SLC8A1: variants seen among roughly 807,000 people sequenced by gnomAD.
SLC8A1 encodes sodium/calcium exchanger 1.
SLC8A1 carries 18 observed loss-of-function variants against 68.3 expected under a neutral mutation model. The ratio of observed to expected loss-of-function variants is 0.26; its 90% CI spans 0.18 to 0.39. The LOEUF (loss-of-function observed/expected upper bound fraction) is 0.39, where lower values mean the gene tolerates loss of function less well. SLC8A1 is among the 10% of genes least tolerant of loss of function. The probability of loss-of-function intolerance (pLI) is 1.00; values close to 1 mark genes in which losing one functional copy is unlikely to be tolerated. For missense variants in SLC8A1, 985 were observed against 1,156.7 expected (o/e 0.85, Z 2.15); for synonymous variants, 475 against 415.5 (o/e 1.14, Z -1.74).
At chr2:40,132,362 A>G (rs2039554456) in intron 7 of SLC8A1, among the ~76,000 whole-genome samples, 1 of 152,034 alleles carries the variant, frequency 6.6e-6, no homozygotes, top group South Asian at 2.1e-4. Context: ...GGATACTTGT[A>G]TTCACTCTCC....
At chr2:40,200,864 C>A (rs748874770) in intron 2 of SLC8A1, among the ~76,000 whole-genome samples, 10 of 151,744 alleles carry the variant, frequency 6.6e-5, no homozygotes, top group Non-Finnish European at 1.3e-4. Context: ...TAGAAAACAA[C>A]CCACTTAAAT....
chr2:40,173,919 A>G (rs2047997524), intron 4 of SLC8A1, among the ~76,000 whole-genome samples: 1 of 152,208 alleles, frequency 6.6e-6, no homozygotes, highest in African/African-American at 2.4e-5. Flanking sequence ...GAGACAACAG[A>G]GGATGCTGTA....
intron 2 of SLC8A1, among the ~76,000 whole-genome samples, chr2:40,373,791 A>G (rs1315310279): frequency 6.6e-6 from 1 of 152,014 alleles, no homozygotes; most frequent in Non-Finnish European, 1.5e-5. Context: ...AGAGTACTGA[A>G]TTTCATTGTA....
At chr2:40,199,429 G>C (rs952744938) in intron 2 of SLC8A1, among the ~76,000 whole-genome samples, 2 of 151,408 alleles carry the variant, frequency 1.3e-5, no homozygotes, top group Admixed American at 1.3e-4. Flanking sequence ...CCCCCATAAG[G>C]ACCATAAATA....
At chr2:40,194,469 ATGTGTGTGTGTGTGTGTG>A (rs543194094) in intron 2 of SLC8A1, among the ~76,000 whole-genome samples, 2 of 137,328 alleles carry the variant, frequency 1.5e-5, no homozygotes, top group Admixed American at 7.3e-5. Flanking sequence ...TCAGTAAGCA[ATGTGTGTGTGTGTGTGTG>A]TGTGTGTGTG....
At position 40,151,059 on chromosome 2, in the gene SLC8A1, A is replaced by C. The variant is rs75467949; in HGVS notation, c.2161+9706T>G. 4.5e-4 allele frequency among the ~76,000 whole-genome samples: 68 copies of C among 152,304 alleles called. 1 individual carries two copies. In the East Asian group the frequency reaches 0.012, roughly 27 times the overall value. On this transcript the variant is annotated intron_variant, in intron 6 of 7. Transcript: ENST00000406785. ...TCTTAGGATCATCATTATCAGCTAC[A>C]TAACAGTGAAATTTTACTAAGAATA... is the stretch of plus-strand genomic sequence containing the variant.
chr2:40,460,819 C>T (rs569286979), intron 1 of SLC8A1, among the ~76,000 whole-genome samples: 1 of 152,028 alleles, frequency 6.6e-6, no homozygotes, highest in African/African-American at 2.4e-5. Context: ...GTGATCTGCC[C>T]ACCTCAGCCT....
intron 2 of SLC8A1, among the ~76,000 whole-genome samples, chr2:40,218,429 T>C (rs1291509363): frequency 6.6e-6 from 1 of 152,220 alleles, no homozygotes; most frequent in Non-Finnish European, 1.5e-5. Context: ...AGGTTAAAAT[T>C]ACCATTACAT....
chr2:40,324,395 A>C (rs932200943), intron 2 of SLC8A1, among the ~76,000 whole-genome samples: 2 of 152,146 alleles, frequency 1.3e-5, no homozygotes, highest in African/African-American at 4.8e-5. Context: ...TTTCAGAGGC[A>C]CTTCCTAAAC....
At chr2:40,475,366 C>T (rs894296435) in intron 1 of SLC8A1, among the ~76,000 whole-genome samples, 8 of 151,938 alleles carry the variant, frequency 5.3e-5, no homozygotes, top group Middle Eastern at 3.2e-3. Flanking sequence ...ATCTCCTGAC[C>T]TCGTGATCCA....
intron 2 of SLC8A1, among the ~76,000 whole-genome samples, chr2:40,323,690 G>A (rs1453275634): frequency 6.6e-6 from 1 of 151,958 alleles, no homozygotes; most frequent in African/African-American, 2.4e-5. Flanking sequence ...AGTTCCTAAG[G>A]GGGGAAATAC....
chr2:40,348,904 C>G (rs1331891766), intron 2 of SLC8A1, among the ~76,000 whole-genome samples: 3 of 152,128 alleles, frequency 2.0e-5, no homozygotes, highest in Non-Finnish European at 4.4e-5. Context: ...ACACTTTGAC[C>G]TAATGAAGAG....
At chr2:40,122,018 C>CT (rs2036945332) in intron 7 of SLC8A1, among the ~76,000 whole-genome samples, 1 of 151,670 alleles carries the variant, frequency 6.6e-6, no homozygotes, top group East Asian at 1.9e-4. Context: ...TCTCTTTTTT[C>CT]TTTTTTGCCT....
At chr2:40,375,820 C>G (rs1448770756) in intron 2 of SLC8A1, among the ~76,000 whole-genome samples, 2 of 151,986 alleles carry the variant, frequency 1.3e-5, no homozygotes, top group African/African-American at 4.8e-5. Context: ...CCAGGCAACA[C>G]AGGGAAACCC....
chr2:40,358,692 G>A (rs892285725), intron 2 of SLC8A1, among the ~76,000 whole-genome samples: 1 of 152,132 alleles, frequency 6.6e-6, no homozygotes, highest in South Asian at 2.1e-4. Context: ...CTGTACAATG[G>A]CCTAGGTACA....
chr2:40,122,950 A>G (rs1390318403), intron 7 of SLC8A1, among the ~76,000 whole-genome samples: 4 of 152,154 alleles, frequency 2.6e-5, no homozygotes, highest in Admixed American at 2.0e-4. Context: ...AATTTATTCT[A>G]ATTAAAGGAG....
At chr2:40,470,092 C>G (rs1055559255) in intron 1 of SLC8A1, among the ~76,000 whole-genome samples, 25 of 151,184 alleles carry the variant, frequency 1.7e-4, no homozygotes, top group African/African-American at 6.1e-4. Context: ...TCTACTTACG[C>G]ACACTCTTTC....
chr2:40,426,299 C>A (rs1696838251), intron 2 of SLC8A1, among the ~76,000 whole-genome samples: 1 of 151,912 alleles, frequency 6.6e-6, no homozygotes, highest in African/African-American at 2.4e-5. Flanking sequence ...TTCAATACTC[C>A]TAAGAACATA....
intron 1 of SLC8A1, among the ~76,000 whole-genome samples, chr2:40,496,536 G>A (rs1332559598): frequency 1.3e-5 from 2 of 152,034 alleles, no homozygotes; most frequent in Non-Finnish European, 2.9e-5. Flanking sequence ...AGGTTATTCT[G>A]AGGATATTTG....
Sources: gnomAD v4.1 joint callset for allele counts (sites outside exome capture counted in the v4.1 genomes callset) on GRCh38, gnomAD v4.1.1 for gene constraint, MANE v1.5 for transcripts, NCBI Gene and HGNC (gene_info 2026-07-23, HGNC 2026-07-21) for gene names.